Variants in LRRTM4 observed in about 807,000 individuals in gnomAD.
LRRTM4 encodes the protein leucine rich repeat transmembrane neuronal 4, also known as leucine-rich repeat transmembrane neuronal protein 4.
LRRTM4 carries 25 observed loss-of-function variants against 47.6 expected under a neutral mutation model. The observed-to-expected ratio is 0.53, with a 90% CI of 0.38 to 0.73. The LOEUF is 0.73. Among genes scored for constraint, LRRTM4 ranks in the 30% least tolerant of loss-of-function variants. The probability of loss-of-function intolerance (pLI) is 0.00; values close to 1 mark genes in which losing one functional copy is unlikely to be tolerated. For synonymous variants in LRRTM4, 311 were observed against 269.5 expected (o/e 1.15, Z -1.51); for missense variants, 638 against 713.4 (o/e 0.89, Z 1.20).
chr2:77,110,865 T>C (rs1671229719), intron 3 of LRRTM4, among the ~76,000 whole-genome samples: 5 of 152,224 alleles, frequency 3.3e-5, no homozygotes, highest in African/African-American at 1.2e-4. Flanking sequence ...TCTCTGGCAG[T>C]GAATTGTGAA....
intron 3 of LRRTM4, among the ~76,000 whole-genome samples, chr2:77,436,651 C>A (rs373791671): frequency 6.6e-6 from 1 of 151,560 alleles, no homozygotes; most frequent in Non-Finnish European, 1.5e-5. Flanking sequence ...GGTGACAACT[C>A]ACCATGCATA....
Position 77,291,784 on chromosome 2 carries a change from C to T in LRRTM4, c.1551+226534G>A, listed in dbSNP as rs150046863. 6.7e-3 allele frequency among the ~76,000 whole-genome samples: 1,014 copies of T among 151,956 alleles called. 12 individuals carry two copies. Among genetic ancestry groups the T allele is most frequent in the African/African-American group, 0.02 (849 of 41,492 alleles). On this transcript the variant is annotated intron_variant, in intron 3 of 3. Transcript: ENST00000409884. ...AATTATGTCCCATTTGATTACTTCT[C>T]TAAAACACATCATGTCTAAAACACC...
At chr2:77,049,274 T>C (rs1409227025) in intron 3 of LRRTM4, among the ~76,000 whole-genome samples, 1 of 150,798 alleles carries the variant, frequency 6.6e-6, no homozygotes, top group African/African-American at 2.4e-5. Flanking sequence ...AATGCATATA[T>C]CTATTTGACA....
intron 3 of LRRTM4, chr2:76,773,187 G>C (rs1285685406): frequency 6.6e-6 from 1 of 152,212 alleles, no homozygotes; most frequent in Non-Finnish European, 1.5e-5. Flanking sequence ...CTATCTTCCA[G>C]TCTCTGGGGA....
At chr2:76,988,480 A>G (rs1676884871) in intron 3 of LRRTM4, among the ~76,000 whole-genome samples, 1 of 151,824 alleles carries the variant, frequency 6.6e-6, no homozygotes, top group African/African-American at 2.4e-5. Context: ...AGTCTACACA[A>G]GAGTTTTCTT....
At position 77,049,327 on chromosome 2, in the gene LRRTM4, C is replaced by A. The variant is rs147482500; in HGVS notation, c.1552-300411G>T. ...TTTTCTTTTCTTTTTGATATATATC[C>A]AGTGGTGAGACTGTTGGATCATTTG... On this transcript the variant is annotated intron_variant, in intron 3 of 3. Transcript: ENST00000409884. Among the ~76,000 whole-genome samples, 195 of 150,744 alleles carry A rather than the reference C, an allele frequency of 1.3e-3. 1 individual carries two copies. The highest frequency in any genetic ancestry group is 6.8e-3 in the Middle Eastern group (2 of 292).
chr2:77,347,462 T>C (rs535500562), intron 3 of LRRTM4, among the ~76,000 whole-genome samples: 1 of 152,276 alleles, frequency 6.6e-6, no homozygotes, highest in African/African-American at 2.4e-5. Context: ...GAACATTGTG[T>C]ATAATATTAT....
At chr2:77,083,800 T>G (rs779910706) in intron 3 of LRRTM4, among the ~76,000 whole-genome samples, 3,742 of 102,534 alleles carry the variant, frequency 0.036, 124 homozygotes, top group South Asian at 0.071. Context: ...TTTTTTTTTT[T>G]TTTTTTTTTT....
intron 3 of LRRTM4, among the ~76,000 whole-genome samples, chr2:77,237,810 G>A (rs1675145877): frequency 6.6e-6 from 1 of 152,098 alleles, no homozygotes; most frequent in Admixed American, 6.6e-5. Context: ...AGGCTGCCTA[G>A]GAAAAGATAG....
chr2:77,239,375 A>G (rs1299819287), intron 3 of LRRTM4, among the ~76,000 whole-genome samples: 1 of 151,866 alleles, frequency 6.6e-6, no homozygotes, highest in Non-Finnish European at 1.5e-5. Flanking sequence ...TAAAAAGAAA[A>G]ATTATATTAA....
At chr2:77,083,962 G>T (rs899123562) in intron 3 of LRRTM4, among the ~76,000 whole-genome samples, 1 of 151,272 alleles carries the variant, frequency 6.6e-6, no homozygotes, top group East Asian at 2.0e-4. Context: ...CCGCCACTGC[G>T]CCTGGCTAAT....
intron 3 of LRRTM4, among the ~76,000 whole-genome samples, chr2:77,001,247 G>A (rs994025044): frequency 6.6e-6 from 1 of 152,100 alleles, no homozygotes; most frequent in Non-Finnish European, 1.5e-5. Flanking sequence ...AAAGAGAGAA[G>A]ACACTTACTC....
chr2:77,335,421 G>C (rs1671128143), intron 3 of LRRTM4, among the ~76,000 whole-genome samples: 1 of 152,026 alleles, frequency 6.6e-6, no homozygotes, highest in Non-Finnish European at 1.5e-5. Context: ...CAGGACTTTT[G>C]CACTTGCTCT....
At chr2:77,120,621 T>A (rs1671499601) in intron 3 of LRRTM4, among the ~76,000 whole-genome samples, 1 of 151,914 alleles carries the variant, frequency 6.6e-6, no homozygotes, top group Non-Finnish European at 1.5e-5. Context: ...GCATACTTCC[T>A]AATCAGACTG....
chr2:77,112,470 G>A (rs967334593), intron 3 of LRRTM4, among the ~76,000 whole-genome samples: 1 of 152,142 alleles, frequency 6.6e-6, no homozygotes, highest in Non-Finnish European at 1.5e-5. Context: ...ATTCTTGAAA[G>A]TAAGAGTAAT....
chr2:76,915,848 A>G (rs116677138), intron 3 of LRRTM4, among the ~76,000 whole-genome samples: 2,109 of 152,310 alleles, frequency 0.014, 37 homozygotes, highest in African/African-American at 0.047. Context: ...TCAATATTCA[A>G]TATCATTCTA....
intron 3 of LRRTM4, among the ~76,000 whole-genome samples, chr2:77,385,434 G>C (rs747537768): frequency 5.9e-5 from 9 of 152,152 alleles, no homozygotes; most frequent in Admixed American, 2.6e-4. Context: ...CTTAGCCATT[G>C]TTGGCTTTGA....
At chr2:77,111,259 A>G (rs943674041) in intron 3 of LRRTM4, among the ~76,000 whole-genome samples, 11 of 148,964 alleles carry the variant, frequency 7.4e-5, no homozygotes, top group Admixed American at 3.4e-4. Flanking sequence ...CTGGGACTAC[A>G]GGTGTGTGTC....
intron 3 of LRRTM4, among the ~76,000 whole-genome samples, chr2:77,044,752 A>G (rs1178684070): frequency 1.3e-5 from 2 of 151,700 alleles, no homozygotes; most frequent in African/African-American, 4.8e-5. Context: ...ATATAGACAG[A>G]CATATATAAA....
Sources: gnomAD v4.1 joint callset for allele counts (sites outside exome capture counted in the v4.1 genomes callset) on GRCh38, gnomAD v4.1.1 for gene constraint, MANE v1.5 for transcripts, NCBI Gene and HGNC (gene_info 2026-07-23, HGNC 2026-07-21) for gene names.